The following MPDZ variants were observed in gnomAD, a reference collection of about 807,000 sequenced individuals.
MPDZ encodes the protein multiple PDZ domain crumbs cell polarity complex component.
In MPDZ, 234 loss-of-function variants were observed where a neutral mutation model predicts 239.1. That is an observed-to-expected ratio of 0.98 (90% confidence interval 0.88 to 1.09). MPDZ has a LOEUF of 1.09. Among genes scored for constraint, MPDZ ranks in the 50% least tolerant of loss-of-function variants. The pLI is 0.00. For missense variants in MPDZ, 3,175 were observed against 2,510.0 expected (o/e 1.26, Z -5.66); for synonymous variants, 1,048 against 881.3 (o/e 1.19, Z -3.35).
intron 3 of MPDZ, among the ~76,000 whole-genome samples, chr9:13,246,446 A>G (rs1003597364): frequency 6.6e-6 from 1 of 152,192 alleles, no homozygotes; most frequent in Admixed American, 6.5e-5. Context: ...TGTCTCAAAA[A>G]AATAAAAATA....
chr9:13,153,445 G>C (rs1159986730), intron 24 of MPDZ, among the ~76,000 whole-genome samples: 4 of 152,000 alleles, frequency 2.6e-5, no homozygotes, highest in Non-Finnish European at 5.9e-5. Flanking sequence ...ATTTTTGTTT[G>C]TTTTTGTTTT....
chr9:13,135,146 AT>A (rs2132202457), intron 31 of MPDZ: 1 of 152,298 alleles, frequency 6.6e-6, no homozygotes, highest in Admixed American at 6.5e-5. Context: ...AATGTACCAT[AT>A]TTTTGCAAAT....
rs1941393074 is a variant in MPDZ at position 13,105,826 on chromosome 9, T to C, written c.*1139A>G. 1 of 152,250 alleles carries C rather than the reference T, an allele frequency of 6.6e-6. No homozygotes were observed. Among genetic ancestry groups the C allele is most frequent in the East Asian group, 1.9e-4 (1 of 5,202 alleles). 9.4% of individuals were successfully genotyped at this position (152,250 alleles called of 1,614,324 possible). A position where few individuals can be genotyped will look rare whatever the true frequency, so the allele number is the denominator to read the frequency against. ...AATATAGATATTTAAAGTGACTTTA[T>C]ATATTCTAATGTAGGAGTTTCACGC... On this transcript the variant is annotated 3_prime_UTR_variant, in exon 47 of 47. Coordinates refer to ENST00000319217, the MANE Select transcript of MPDZ (RefSeq NM_001378778.1).
At chr9:13,132,302 G>A (rs781198995) in intron 32 of MPDZ, among the ~76,000 whole-genome samples, 16 of 152,168 alleles carry the variant, frequency 1.1e-4, no homozygotes, top group Non-Finnish European at 2.1e-4. Context: ...TACAGAAGAC[G>A]AAAGTGAGGA....
chr9:13,126,644 CA>C, intron 33 of MPDZ, 35 bp downstream of exon 33: 1 of 1,609,954 alleles, frequency 6.2e-7, no homozygotes, highest in Non-Finnish European at 8.5e-7. Context: ...ATTCCCTCCC[CA>C]ACTACTTAAT....
At chr9:13,112,002 T>C (rs1274921109) in intron 43 of MPDZ, 22 bp downstream of exon 43, 19 of 1,611,694 alleles carry the variant, frequency 1.2e-5, no homozygotes, top group Non-Finnish European at 1.6e-5. Context: ...CTAGGGCTTC[T>C]AGGGTTGATA....
intron 3 of MPDZ, among the ~76,000 whole-genome samples, chr9:13,239,117 C>T (rs1205956278): frequency 6.6e-6 from 1 of 152,056 alleles, no homozygotes; most frequent in East Asian, 1.9e-4. Flanking sequence ...CTTAATATCA[C>T]CTACTAATAA....
intron 12 of MPDZ, among the ~76,000 whole-genome samples, chr9:13,198,005 A>G (rs1421201435): frequency 6.6e-6 from 1 of 152,116 alleles, no homozygotes; most frequent in African/African-American, 2.4e-5. Context: ...GTTGATCGGC[A>G]CTTAGGTTGC....
chr9:13,138,456 G>C (rs1270999898), intron 28 of MPDZ, among the ~76,000 whole-genome samples: 1 of 152,144 alleles, frequency 6.6e-6, no homozygotes, highest in African/African-American at 2.4e-5. Context: ...AAAAGACTAT[G>C]ATTAAACCAG....
At chr9:13,226,802 C>G (rs1960759998) in intron 3 of MPDZ, among the ~76,000 whole-genome samples, 2 of 152,076 alleles carry the variant, frequency 1.3e-5, no homozygotes, top group Admixed American at 1.3e-4. Context: ...TGCCCTCGTT[C>G]TCTAGAAGAA....
chr9:13,224,605 T>C (rs746552623), intron 3 of MPDZ, 22 bp from the exon 4 acceptor site: 4 of 1,501,676 alleles, frequency 2.7e-6, no homozygotes, highest in South Asian at 2.4e-5. Flanking sequence ...GCAGGGATTA[T>C]TAAGAATTTT....
In MPDZ at chr9:13,107,084, T is replaced by G; in HGVS notation, c.6094A>C (p.Lys2032Gln). The G allele has an allele frequency of 2.5e-6, 4 of 1,582,666 alleles. No homozygotes were observed. The highest frequency in any genetic ancestry group is 3.5e-6 in the Non-Finnish European group (4 of 1,155,980). The change falls in exon 47 of 47, where the codon AAA becomes CAA. Residue 2032 changes from lysine (K) to glutamine (Q), a missense_variant. Lys to Gln is a moderately conservative substitution (Grantham distance 53, BLOSUM62 1). Coordinates refer to ENST00000319217, the MANE Select transcript of MPDZ (RefSeq NM_001378778.1). ...ACAGCAATGATCTGATCGCCCCTTT[T>G]CAGACGTCCGTCTTCAGAGGCTGCT... ...KGAASEDGRL[K>Q]RGDQIIAVNG... is the part of the protein sequence containing the mutation.
rs1955069200 is a variant in MPDZ at position 13,192,445 on chromosome 9, T to A, written c.1804-150A>T. 2.6e-5 allele frequency: 17 copies of A among 650,922 alleles called. No individual in the cohort carries two copies. In the South Asian group the frequency reaches 5.0e-4, roughly 19 times the overall value. The allele number at this position is 650,922 out of a possible 1,614,324, so 40.3% of individuals were successfully genotyped here. A position where few individuals can be genotyped will look rare whatever the true frequency, so the allele number is the denominator to read the frequency against. ...TATAGTGAGACCTGTGGAAATACTA[T>A]CTAAATTTATGTGCAAGTTTAGAGT... On this transcript the variant is annotated intron_variant, in intron 14 of 46. Transcript: ENST00000319217.
chr9:13,270,337 G>T (rs549538646), intron 1 of MPDZ, among the ~76,000 whole-genome samples: 2 of 152,224 alleles, frequency 1.3e-5, no homozygotes, highest in East Asian at 3.9e-4. Flanking sequence ...AGGCTGAGTG[G>T]TTCCAGCCAA....
At chr9:13,171,460 A>G (rs944129886) in intron 21 of MPDZ, among the ~76,000 whole-genome samples, 1 of 152,128 alleles carries the variant, frequency 6.6e-6, no homozygotes, top group Non-Finnish European at 1.5e-5. Flanking sequence ...GAGTAATTTC[A>G]GAGAAACTCC....
chr9:13,217,258 T>C lies in MPDZ; in HGVS notation c.1123A>G (p.Thr375Ala). The change falls in exon 9 of 47, where the codon ACA becomes GCA. Residue 375 changes from threonine to alanine, a missense_variant. By Grantham distance (58) the Thr-to-Ala change is moderately conservative. Coordinates refer to ENST00000319217, the MANE Select transcript of MPDZ (RefSeq NM_001378778.1). ...TTTTTAGTGAGTTCTACATCAAATG[T>C]CTCACTTTCTTCACCTTTCTGAGTA... ...ASTQKGEESE[T>A]FDVELTKNVQ... 1 of 1,602,578 alleles carries C rather than the reference T, an allele frequency of 6.2e-7. No individual in the cohort carries two copies.
At chr9:13,239,528 A>G (rs965720771) in intron 3 of MPDZ, among the ~76,000 whole-genome samples, 1 of 152,138 alleles carries the variant, frequency 6.6e-6, no homozygotes, top group Non-Finnish European at 1.5e-5. Context: ...TACCTTTTCA[A>G]TGTCATTGCT....
intron 1 of MPDZ, among the ~76,000 whole-genome samples, chr9:13,271,787 C>A (rs1008247484): frequency 6.6e-6 from 1 of 152,120 alleles, no homozygotes; most frequent in African/African-American, 2.4e-5. Context: ...AATGGTATAT[C>A]CATGCAATGA....
intron 17 of MPDZ, 118 bp downstream of exon 17, chr9:13,188,666 G>T: frequency 2.7e-6 from 2 of 739,800 alleles, no homozygotes; most frequent in Non-Finnish European, 2.1e-6. Context: ...TAGTAATCAC[G>T]TTGATGAAAA....
Sources: gnomAD v4.1 joint callset for allele counts (sites outside exome capture counted in the v4.1 genomes callset) on GRCh38, gnomAD v4.1.1 for gene constraint, MANE v1.5 for transcripts, NCBI Gene and HGNC (gene_info 2026-07-23, HGNC 2026-07-21) for gene names.